Variants in LAIR2 observed in about 807,000 individuals in gnomAD.
LAIR2 encodes the protein leukocyte associated immunoglobulin like receptor 2.
Under a neutral mutation model 14.8 loss-of-function variants are expected in LAIR2, and 14 were observed. The observed-to-expected ratio is 0.95, with a 90% CI of 0.62 to 1.48. LAIR2 has a LOEUF of 1.48. Ranked by LOEUF, LAIR2 falls within the 40% of genes most tolerant of loss-of-function variation. LAIR2 has a pLI of 0.00. For missense variants in LAIR2, 172 were observed against 180.9 expected, an observed-to-expected ratio of 0.95 and a Z score of 0.28; for synonymous variants, 75 against 74.5, an observed-to-expected ratio of 1.01 and a Z score of -0.03.
At chr19:54,506,688 T>C (rs527327318) in intron 2 of LAIR2, among the ~76,000 whole-genome samples, 1 of 152,346 alleles carries the variant, frequency 6.6e-6, no homozygotes, top group South Asian at 2.1e-4. Flanking sequence ...CTGTATGTGT[T>C]TCTCACATTT....
Position 54,508,060 on chromosome 19 carries a change from T to G in LAIR2, c.240T>G (p.Ser80=). 6.2e-7 allele frequency: 1 copy of G among 1,614,220 alleles called. No individual in the cohort carries two copies. The highest frequency in any genetic ancestry group is 2.2e-5 in the East Asian group (1 of 44,886). ...ATAATGTGTTTCGACTTGGTCCATC[T>G]GAGTCAGAGGCCAGATTCCACATTG... is the stretch of plus-strand genomic sequence containing the variant. ...DSYNVFRLGP[S]ESEARFHIDS... The change falls in exon 3 of 5, where the codon TCT becomes TCG. Residue 80 remains serine (S), a synonymous_variant. Coordinates refer to ENST00000301202, the MANE Select transcript of LAIR2 (RefSeq NM_002288.6).
At chr19:54,503,621 C>A (rs1262491856) in intron 1 of LAIR2, 79 bp from the exon 2 acceptor site, 5 of 1,591,382 alleles carry the variant, frequency 3.1e-6, no homozygotes, top group Admixed American at 1.7e-5. Context: ...CCCCCCAGCT[C>A]CGTCAAGCCC....
chr19:54,504,122 AAT>A (rs2085323100), intron 2 of LAIR2, among the ~76,000 whole-genome samples: 1 of 81,074 alleles, frequency 1.2e-5, no homozygotes, highest in African/African-American at 5.1e-5. Flanking sequence ...ACCCCTGGCT[AAT>A]TTTTTTTTTT....
rs377288848 is a variant in LAIR2, at chr19:54,502,868, C to G, written c.-51C>G. 4,001 of 1,612,102 alleles carry G rather than the reference C, an allele frequency of 2.5e-3. 19 individuals are homozygous for G. Among genetic ancestry groups the G allele is most frequent in the African/African-American group, 7.9e-3 (595 of 74,976 alleles). ...AGCCCCACGGGCAGGAGGCCCCCGG[C>G]CAGCACATCCTGTCTGCTTGTGTCT... On this transcript the variant is annotated 5_prime_UTR_variant, in exon 1 of 5. Coordinates refer to ENST00000301202, the MANE Select transcript of LAIR2 (RefSeq NM_002288.6).
chr19:54,508,250 G>A lies in LAIR2; in HGVS notation c.364+66G>A. On this transcript the variant is annotated intron_variant, in intron 3 of 4. Coordinates refer to ENST00000301202, the MANE Select transcript of LAIR2 (RefSeq NM_002288.6). ...CCCTCGAGCTTGTCCCGAGGTCCCT[G>A]GTCCCTGTCCCGGCTGCTGTCCTCT... 2 of 1,511,066 alleles carry A rather than the reference G, an allele frequency of 1.3e-6. 1 individual carries two copies. Among genetic ancestry groups the A allele is most frequent in the Non-Finnish European group, 1.8e-6 (2 of 1,113,828 alleles). 93.6% of individuals were successfully genotyped at this position (1,511,066 alleles called of 1,614,324 possible). A position where few individuals can be genotyped will look rare whatever the true frequency, so the allele number is the denominator to read the frequency against.
intron 3 of LAIR2, 112 bp downstream of exon 3, chr19:54,508,296 T>A: frequency 9.3e-7 from 1 of 1,075,908 alleles, no homozygotes. Context: ...ACCGTTGCCC[T>A]CTTCCTGACC....
chr19:54,504,824 G>A (rs2085334897), intron 2 of LAIR2, among the ~76,000 whole-genome samples: 1 of 152,138 alleles, frequency 6.6e-6, no homozygotes, highest in African/African-American at 2.4e-5. Context: ...TGGCCAGGCT[G>A]GTCTTGAACT....
At chr19:54,503,113 A>G (rs935201722) in intron 1 of LAIR2, among the ~76,000 whole-genome samples, 161 bp downstream of exon 1, 4 of 152,088 alleles carry the variant, frequency 2.6e-5, no homozygotes, top group Admixed American at 2.6e-4. Context: ...GTCTGATCAG[A>G]GACAACCTTG....
chr19:54,507,915 C>CA lies in LAIR2; in HGVS notation c.95_96insA (p.Ala33GlyfsTer2), dbSNP rs2085392855. ...GGGGCCCTTCCCAGACCCTCCATCT[C>CA]GGCTGAGCCAGGCACTGTGATCTCC... On this transcript the variant is annotated frameshift_variant, in exon 3 of 5. Transcript: ENST00000301202. LOFTEE classifies it high-confidence loss of function. 4.3e-6 allele frequency: 7 copies of CA among 1,614,122 alleles called. No individual in the cohort carries two copies. In the East Asian group the frequency reaches 1.6e-4, roughly 36 times the overall value.
intron 1 of LAIR2, 87 bp from the exon 2 acceptor site, chr19:54,503,613 C>T (rs1459809420): frequency 4.5e-6 from 7 of 1,554,418 alleles, no homozygotes; most frequent in Non-Finnish European, 6.2e-6. Context: ...GCTGAATGCC[C>T]CCCAGCTCCG....
intron 4 of LAIR2, among the ~76,000 whole-genome samples, chr19:54,510,207 CCTTCTCT>C (rs909421971): frequency 1.4e-5 from 2 of 143,996 alleles, no homozygotes; most frequent in African/African-American, 2.7e-5. Context: ...TCTTCTCCTT[CCTTCTCT>C]CTTCTCTCAC....
At position 54,502,835 on chromosome 19, in the gene LAIR2, G is replaced by A. The variant is rs1331981243; in HGVS notation, c.-84G>A. ...GCTCTCCCTCTTGTGTGAGGCAGTT[G>A]CTGTGGAAGCCCCACGGGCAGGAGG... is the stretch of plus-strand genomic sequence containing the variant. On this transcript the variant is annotated 5_prime_UTR_variant, in exon 1 of 5. Transcript: ENST00000301202. The A allele has an allele frequency of 1.9e-6, 3 of 1,543,452 alleles. No individual in the cohort carries two copies. The highest frequency in any genetic ancestry group is 4.5e-5 in the East Asian group (2 of 44,468).
intron 1 of LAIR2, 49 bp downstream of exon 1, chr19:54,503,001 T>A (rs750607759): frequency 7.7e-6 from 12 of 1,564,232 alleles, no homozygotes; most frequent in Non-Finnish European, 1.0e-5. Flanking sequence ...TCGGGAGGTC[T>A]GGAAAGTTCC....
chr19:54,505,150 T>C (rs1034196563), intron 2 of LAIR2, among the ~76,000 whole-genome samples: 5 of 152,140 alleles, frequency 3.3e-5, no homozygotes, highest in African/African-American at 7.2e-5. Context: ...AGCGCTGCGG[T>C]CACCCTGGGA....
At chr19:54,503,993 C>T (rs1189211965) in intron 2 of LAIR2, among the ~76,000 whole-genome samples, 1 of 151,822 alleles carries the variant, frequency 6.6e-6, no homozygotes, top group African/African-American at 2.4e-5. Flanking sequence ...AGTCTCACTC[C>T]ATCACCCAGG....
intron 2 of LAIR2, among the ~76,000 whole-genome samples, chr19:54,505,377 T>C (rs527769517): frequency 6.6e-6 from 1 of 152,174 alleles, no homozygotes; most frequent in Admixed American, 6.5e-5. Context: ...GATTTCACTC[T>C]AAATTTTTCT....
chr19:54,508,169 G>A lies in LAIR2; in HGVS notation c.349G>A (p.Glu117Lys), dbSNP rs748333009. ...ATGGTCTGAGCACAGTGACTTCCTG[G>A]AGCTGCTGGTGAAAGGTGAGGACGT... ...PGWSEHSDFL[E>K]LLVKESSGGP... The change falls in exon 3 of 5, where the codon GAG (glutamate) becomes AAG (lysine). Residue 117 changes from glutamate (E) to lysine (K), a missense_variant. Physicochemically the swap from Glu to Lys is moderately conservative, Grantham distance 56. Transcript: ENST00000301202. 2.4e-5 allele frequency: 38 copies of A among 1,612,310 alleles called. No homozygotes were observed. The highest frequency in any genetic ancestry group is 3.1e-5 in the Non-Finnish European group (37 of 1,179,408).
Position 54,510,630 on chromosome 19 carries a change from A to G in LAIR2, c.*61A>G. The G allele has an allele frequency of 6.3e-7, 1 of 1,590,852 alleles. No individual in the cohort carries two copies. Among genetic ancestry groups the G allele is most frequent in the Non-Finnish European group, 8.6e-7 (1 of 1,158,784 alleles). ...ATGGGGAGAAATAATTAGAATGAGCAATAGAAATGCACAGATGCCTATACA... is the reference window on the plus strand; with the variant it reads ...ATGGGGAGAAATAATTAGAATGAGCGATAGAAATGCACAGATGCCTATACA... On this transcript the variant is annotated 3_prime_UTR_variant, in exon 5 of 5. Transcript: ENST00000301202.
At position 54,508,068 on chromosome 19, in the gene LAIR2, A is replaced by C. The variant is rs372575598; in HGVS notation, c.248A>C (p.Glu83Ala). Residue 83 changes from glutamate (E) to alanine (A), a missense_variant, in exon 3 of 5, where the codon GAG becomes GCG. Around this residue, in one of 2 missense-constraint regions of LAIR2, gnomAD observed 161 missense variants for 149.0 expected, o/e 1.08. Coordinates refer to ENST00000301202, the MANE Select transcript of LAIR2 (RefSeq NM_002288.6). ...TTTCGACTTGGTCCATCTGAGTCAG[A>C]GGCCAGATTCCACATTGACTCAGTA... ...NVFRLGPSES[E>A]ARFHIDSVSE... 26 of 1,614,058 alleles carry C rather than the reference A, an allele frequency of 1.6e-5. No homozygotes were observed. The highest frequency in any genetic ancestry group is 2.0e-5 in the Non-Finnish European group (24 of 1,179,992).
Sources: gnomAD v4.1 joint callset for allele counts (sites outside exome capture counted in the v4.1 genomes callset) on GRCh38, gnomAD v4.1.1 for gene constraint, gnomAD v4.1.1 regional missense constraint, MANE v1.5 for transcripts, NCBI Gene and HGNC (gene_info 2026-07-23, HGNC 2026-07-21) for gene names.